The following SPATA13 variants were observed in gnomAD, a reference collection of about 807,000 sequenced individuals.
SPATA13 encodes spermatogenesis associated 13, also known as spermatogenesis-associated protein 13.
In SPATA13, 50 loss-of-function variants were observed where a neutral mutation model predicts 104.0. The observed-to-expected ratio is 0.48, with a 90% CI of 0.38 to 0.61. The LOEUF is 0.61. Ranked by LOEUF, SPATA13 falls within the 20% of genes least tolerant of loss-of-function variation. SPATA13 has a pLI of 0.00. For missense variants in SPATA13, 1,524 were observed against 1,690.6 expected (o/e 0.90, Z 1.73); for synonymous variants, 606 against 667.5 (o/e 0.91, Z 1.42).
At chr13:24,017,630 T>C in intron 2 of SPATA13, 1 of 982,710 alleles carries the variant, frequency 1.0e-6, no homozygotes, top group Non-Finnish European at 1.2e-6. Context: ...TTTTCACACA[T>C]CTGTGCACTA....
intron 3 of SPATA13, among the ~76,000 whole-genome samples, chr13:24,139,736 G>T (rs146877824): frequency 6.6e-6 from 1 of 152,166 alleles, no homozygotes; most frequent in Non-Finnish European, 1.5e-5. Context: ...GATGTAGAAC[G>T]ATCTGCTTAA....
chr13:24,290,781 A>G lies in SPATA13; in HGVS notation c.2977A>G (p.Ile993Val). 5 of 1,614,198 alleles carry G rather than the reference A, an allele frequency of 3.1e-6. No individual in the cohort carries two copies. The highest frequency in any genetic ancestry group is 4.2e-6 in the Non-Finnish European group (5 of 1,180,024). The part of the protein sequence containing the change: ...FEACRLLQQM[I>V]DIAIDGFLLT... ...AGCCTGCCGCCTGCTGCAGCAGATG[A>G]TTGACATCGCCATCGACGGGTTCCT... is the stretch of plus-strand genomic sequence containing the variant. Residue 993 changes from isoleucine (I) to valine (V), a missense_variant, in exon 9 of 13, where the codon ATT (isoleucine) becomes GTT (valine). Around this residue, in one of 2 missense-constraint regions of SPATA13, gnomAD observed 435 missense variants for 554.8 expected, o/e 0.78. Coordinates refer to ENST00000382108, the MANE Select transcript of SPATA13 (RefSeq NM_001166271.3).
chr13:24,175,005 G>T (rs1038279291), intron 1 of SPATA13, among the ~76,000 whole-genome samples: 2 of 152,020 alleles, frequency 1.3e-5, no homozygotes, highest in African/African-American at 4.8e-5. Flanking sequence ...ATTCCATTAC[G>T]GTTAGAGAAC....
intron 3 of SPATA13, among the ~76,000 whole-genome samples, chr13:24,101,469 C>A (rs61945481): frequency 0.074 from 10,858 of 147,608 alleles, 436 homozygotes; most frequent in Non-Finnish European, 0.082. Flanking sequence ...TTCAATTTAA[C>A]TATTTTTTAA....
intron 3 of SPATA13, among the ~76,000 whole-genome samples, chr13:24,155,033 T>C (rs1405933556): frequency 1.3e-5 from 2 of 152,002 alleles, no homozygotes; most frequent in Non-Finnish European, 2.9e-5. Context: ...GGTTTTTGTG[T>C]TTTTACTAGA....
chr13:24,109,539 C>T (rs574244229), intron 3 of SPATA13, among the ~76,000 whole-genome samples: 1 of 152,234 alleles, frequency 6.6e-6, no homozygotes, highest in East Asian at 1.9e-4. Context: ...TCTGTTTTCC[C>T]TTACTGTCAT....
At chr13:24,278,605 A>G (rs1264389540) in intron 4 of SPATA13, 5 of 1,439,898 alleles carry the variant, frequency 3.5e-6, no homozygotes, top group Admixed American at 6.5e-5. Context: ...ACTGTTTTTC[A>G]ATTTACAGGG....
chr13:24,221,506 G>A (rs1871585902), intron 1 of SPATA13, among the ~76,000 whole-genome samples: 1 of 152,086 alleles, frequency 6.6e-6, no homozygotes, highest in Non-Finnish European at 1.5e-5. Context: ...ATTTTTCAGG[G>A]GAGGGCCATG....
Position 24,305,735 on chromosome 13 carries a change from A to T in SPATA13, c.*2962A>T, listed in dbSNP as rs1877538175. 6.6e-6 allele frequency: 1 copy of T among 152,202 alleles called. No individual in the cohort carries two copies. The highest frequency in any genetic ancestry group is 1.5e-5 in the Non-Finnish European group (1 of 68,030). 9.4% of individuals were successfully genotyped at this position (152,202 alleles called of 1,614,324 possible). ...GAAAAGATGACATAACATTTTGATG[A>T]ATTTCACCTATTCCATTCTTCACGT... On this transcript the variant is annotated 3_prime_UTR_variant, in exon 13 of 13. Coordinates refer to ENST00000382108, the MANE Select transcript of SPATA13 (RefSeq NM_001166271.3).
chr13:24,148,181 T>C (rs1384147865), intron 3 of SPATA13, among the ~76,000 whole-genome samples: 2 of 152,184 alleles, frequency 1.3e-5, no homozygotes, highest in Non-Finnish European at 1.5e-5. Context: ...GCATTTGCAG[T>C]TGTAGTTCCT....
In SPATA13 at chr13:24,247,478, CTTTT is replaced by C. The variant is rs10625714; in HGVS notation, c.1654-1983_1654-1980del. Among the ~76,000 whole-genome samples, 675 of 87,130 alleles carry C rather than the reference CTTTT, an allele frequency of 7.7e-3. 8 individuals are homozygous for C. The highest frequency in any genetic ancestry group is 0.026 in the African/African-American group (644 of 25,072). The allele number at this position is 87,130 out of a possible 152,430, so 57.2% of individuals were successfully genotyped here. On this transcript the variant is annotated intron_variant, in intron 2 of 12. Coordinates refer to ENST00000382108, the MANE Select transcript of SPATA13 (RefSeq NM_001166271.3). Reference sequence around the variant, plus strand: ...CACTGTGCTCTTTGCTCCACATTCACTTTTTTTTTTTTTTTTTTTGAGACAGAGT... The same window carrying C: ...CACTGTGCTCTTTGCTCCACATTCACTTTTTTTTTTTTTTTGAGACAGAGT...
intron 2 of SPATA13, among the ~76,000 whole-genome samples, chr13:24,238,583 C>T (rs532091940): frequency 6.6e-6 from 1 of 152,262 alleles, no homozygotes; most frequent in Admixed American, 6.5e-5. Flanking sequence ...AAGAAAGCCA[C>T]CTTGGACTCC....
At chr13:23,990,775 A>G (rs1875376439) in intron 2 of SPATA13, among the ~76,000 whole-genome samples, 1 of 152,246 alleles carries the variant, frequency 6.6e-6, no homozygotes, top group Non-Finnish European at 1.5e-5. Flanking sequence ...TTGATTGCTC[A>G]TAAACATCTG....
chr13:24,226,580 G>T (rs1002650306), intron 2 of SPATA13, among the ~76,000 whole-genome samples: 20 of 152,222 alleles, frequency 1.3e-4, no homozygotes, highest in Non-Finnish European at 1.5e-5. Context: ...ATGCATTCAT[G>T]TGTATATATT....
chr13:24,059,905 G>C (rs1878717015), intron 3 of SPATA13, among the ~76,000 whole-genome samples: 1 of 152,188 alleles, frequency 6.6e-6, no homozygotes, highest in African/African-American at 2.4e-5. Context: ...GGTAAGAGGG[G>C]CATCCTTGTC....
intron 3 of SPATA13, 42 bp from the exon 4 acceptor site, chr13:24,251,676 A>G (rs1873489923): frequency 6.2e-7 from 1 of 1,608,166 alleles, no homozygotes; most frequent in South Asian, 1.1e-5. Flanking sequence ...AAGAGCTGCC[A>G]CTTCCTGGTA....
chr13:24,044,161 C>CCA (rs1431491650), intron 3 of SPATA13, among the ~76,000 whole-genome samples: 1 of 152,090 alleles, frequency 6.6e-6, no homozygotes, highest in African/African-American at 2.4e-5. Flanking sequence ...GTGCTGCAAG[C>CCA]CACACCACAG....
At chr13:24,156,119 G>A (rs1019907988), upstream of SPATA13, among the ~76,000 whole-genome samples, 3 of 152,208 alleles carry the variant, frequency 2.0e-5, no homozygotes, top group African/African-American at 7.2e-5. Flanking sequence ...CCTTGTGGCT[G>A]TGTGAATACT....
intron 1 of SPATA13, among the ~76,000 whole-genome samples, chr13:24,201,603 G>A (rs954223580): frequency 2.6e-5 from 4 of 152,064 alleles, no homozygotes; most frequent in South Asian, 2.1e-4. Context: ...ACCACACTCA[G>A]CTAATTTTTG....
Sources: allele counts gnomAD v4.1 joint callset (sites outside exome capture counted in the v4.1 genomes callset), GRCh38; gene constraint gnomAD v4.1.1; regional missense constraint gnomAD v4.1.1; transcripts MANE v1.5; gene names NCBI Gene and HGNC (gene_info 2026-07-23, HGNC 2026-07-21).